Variants in CECR2 observed in about 807,000 individuals in gnomAD.
CECR2 encodes CECR2 histone acetyl-lysine reader.
A neutral mutation model predicts 154.5 loss-of-function variants in CECR2; 30 were observed. The observed-to-expected ratio is 0.19, with a 90% CI of 0.15 to 0.26. CECR2 has a LOEUF of 0.26. Among genes scored for constraint, CECR2 ranks in the 10% least tolerant of loss-of-function variants. The pLI is 1.00. For synonymous variants in CECR2, 725 were observed against 683.7 expected (o/e 1.06, Z -0.94); for missense variants, 1,743 against 1,829.3 (o/e 0.95, Z 0.86).
At chr22:17,382,955 C>T (rs1454113491) in intron 1 of CECR2, among the ~76,000 whole-genome samples, 10 of 152,132 alleles carry the variant, frequency 6.6e-5, no homozygotes, top group Non-Finnish European at 1.0e-4. Flanking sequence ...TGGCCAGGCG[C>T]GGTGGCTCAC....
At chr22:17,374,372 G>A (rs1225623575) in intron 1 of CECR2, among the ~76,000 whole-genome samples, 1 of 151,798 alleles carries the variant, frequency 6.6e-6, no homozygotes, top group African/African-American at 2.4e-5. Flanking sequence ...TGAATGCATG[G>A]ATTGTTAAAC....
At chr22:17,494,841 C>T (rs1168482093) in intron 2 of CECR2, among the ~76,000 whole-genome samples, 1 of 151,910 alleles carries the variant, frequency 6.6e-6, no homozygotes, top group African/African-American at 2.4e-5. Flanking sequence ...ACTACAGGCA[C>T]ACGCCACCAC....
rs965252731 is a variant in CECR2, at chr22:17,422,929, A to G, written c.126+53020A>G. 3.3e-5 allele frequency among the ~76,000 whole-genome samples: 5 copies of G among 152,006 alleles called. No individual in the cohort carries two copies. In the East Asian group the frequency reaches 7.7e-4, roughly 23 times the overall value. On this transcript the variant is annotated intron_variant, in intron 1 of 18. Coordinates refer to ENST00000262608, the MANE Select transcript of CECR2 (RefSeq NM_001290047.2). ...TTCCTGCAAGCTGCCTACTTTCTCC[A>G]TTAGAGTCCTTCACATTAATCAGAG... is the stretch of plus-strand genomic sequence containing the variant.
Position 17,542,254 on chromosome 22 carries a change from C to A in CECR2, c.2111C>A (p.Pro704Gln). Reference protein sequence around the residue: ...GGLTHLSNMGPHPGSLQLGQI... With the variant: ...GGLTHLSNMGQHPGSLQLGQI... ...CTGACACACCTTTCTAACATGGGCC[C>A]ACACCCTGGATCCTTGCAGCTTGGG... The change falls in exon 16 of 19, where the codon CCA becomes CAA. Residue 704 changes from proline (P) to glutamine (Q), a missense_variant. Physicochemically the swap from Pro to Gln is moderately conservative, Grantham distance 76. Transcript: ENST00000262608. 6.2e-7 allele frequency: 1 copy of A among 1,610,998 alleles called. No homozygotes were observed. The highest frequency in any genetic ancestry group is 1.7e-5 in the Admixed American group (1 of 59,492).
intron 2 of CECR2, among the ~76,000 whole-genome samples, chr22:17,485,734 C>T (rs919993029): frequency 6.6e-6 from 1 of 152,120 alleles, no homozygotes; most frequent in Non-Finnish European, 1.5e-5. Context: ...GGTGCCACTG[C>T]ACTCCAGCCT....
chr22:17,463,382 T>C (rs1322503974), intron 1 of CECR2, among the ~76,000 whole-genome samples: 2 of 152,124 alleles, frequency 1.3e-5, no homozygotes, highest in Non-Finnish European at 2.9e-5. Flanking sequence ...GCTGTTGATA[T>C]GAGGAGCAGA....
chr22:17,458,787 CTT>C (rs750635591), intron 1 of CECR2, among the ~76,000 whole-genome samples: 66 of 152,064 alleles, frequency 4.3e-4, no homozygotes, highest in Non-Finnish European at 7.5e-4. Context: ...ACTTTGCTGA[CTT>C]TTTTTGTTAT....
intron 1 of CECR2, among the ~76,000 whole-genome samples, chr22:17,421,629 A>G (rs1410729518): frequency 1.4e-5 from 2 of 142,148 alleles, no homozygotes; most frequent in East Asian, 4.1e-4. Flanking sequence ...AAAAAAAAAA[A>G]AAAAAAAAAA....
chr22:17,366,391 G>T (rs951140033), upstream of CECR2, among the ~76,000 whole-genome samples: 5 of 152,154 alleles, frequency 3.3e-5, no homozygotes, highest in African/African-American at 1.2e-4. Flanking sequence ...GTTTCACCAT[G>T]TTGGCTAGGA....
intron 2 of CECR2, among the ~76,000 whole-genome samples, chr22:17,488,647 G>T: frequency 6.6e-6 from 1 of 152,100 alleles, no homozygotes. Flanking sequence ...ATTCCTTTGA[G>T]GGGGGTGGGG....
chr22:17,488,184 C>CATTTAATTTTTA (rs2055458675), intron 2 of CECR2, among the ~76,000 whole-genome samples: 1 of 152,124 alleles, frequency 6.6e-6, no homozygotes, highest in Non-Finnish European at 1.5e-5. Flanking sequence ...CACCCGGCCT[C>CATTTAATTTTTA]ATTTAATTTT....
chr22:17,538,868 C>T (rs1462011233), intron 12 of CECR2, 125 bp from the exon 13 acceptor site: 3 of 1,329,374 alleles, frequency 2.3e-6, no homozygotes, highest in Admixed American at 4.4e-5. Flanking sequence ...TGATGTTTCT[C>T]GTTTTATCTG....
At chr22:17,481,135 A>G (rs2055308063) in intron 2 of CECR2, among the ~76,000 whole-genome samples, 1 of 150,282 alleles carries the variant, frequency 6.7e-6, no homozygotes, top group Admixed American at 6.7e-5. Flanking sequence ...CGAGGTCAGG[A>G]AATCAAGACC....
intron 1 of CECR2, chr22:17,419,011 G>T: frequency 5.8e-6 from 1 of 172,306 alleles, no homozygotes; most frequent in South Asian, 1.1e-4. Flanking sequence ...GACAAAGCCC[G>T]GGGCCCTGGC....
At chr22:17,432,320 C>T (rs1312713410) in intron 1 of CECR2, among the ~76,000 whole-genome samples, 3 of 152,204 alleles carry the variant, frequency 2.0e-5, no homozygotes, top group Non-Finnish European at 4.4e-5. Context: ...TCCTTTATTG[C>T]CAGATACCAT....
intron 1 of CECR2, among the ~76,000 whole-genome samples, chr22:17,406,303 C>T (rs1398520418): frequency 6.6e-6 from 1 of 152,002 alleles, no homozygotes; most frequent in Non-Finnish European, 1.5e-5. Flanking sequence ...GGAGGACCAC[C>T]TGAAGTCAGG....
At chr22:17,543,796 G>T (rs2056568504) in intron 16 of CECR2, among the ~76,000 whole-genome samples, 1 of 152,030 alleles carries the variant, frequency 6.6e-6, no homozygotes, top group Non-Finnish European at 1.5e-5. Flanking sequence ...CTGACCTCAG[G>T]TGATCGCCTG....
intron 1 of CECR2, among the ~76,000 whole-genome samples, chr22:17,427,899 C>T (rs1450719725): frequency 6.6e-6 from 1 of 152,198 alleles, no homozygotes; most frequent in Non-Finnish European, 1.5e-5. Context: ...GAGAAATCGC[C>T]ACACTGTCTT....
At chr22:17,507,285 G>T (rs2146909099) in intron 7 of CECR2, among the ~76,000 whole-genome samples, 1 of 152,278 alleles carries the variant, frequency 6.6e-6, no homozygotes, top group Middle Eastern at 3.4e-3. Context: ...CGTCCTGGAT[G>T]ATCCAGAAAA....
Sources: allele counts gnomAD v4.1 joint callset (sites outside exome capture counted in the v4.1 genomes callset), GRCh38; gene constraint gnomAD v4.1.1; transcripts MANE v1.5; gene names NCBI Gene and HGNC (gene_info 2026-07-23, HGNC 2026-07-21).